RASSF6: variants seen among roughly 807,000 people sequenced by gnomAD.
RASSF6 encodes the protein ras association domain-containing protein 6.
A neutral mutation model predicts 44.0 loss-of-function variants in RASSF6; 52 were observed. The ratio of observed to expected loss-of-function variants is 1.18; its 90% confidence interval spans 0.95 to 1.49. RASSF6 has a LOEUF of 1.49. Among genes scored for constraint, RASSF6 ranks in the 40% most tolerant of loss-of-function variants. The pLI is 0.00. For synonymous variants in RASSF6, 162 were observed against 124.6 expected, an observed-to-expected ratio of 1.30 and a Z score of -2.00; for missense variants, 464 against 393.3, an observed-to-expected ratio of 1.18 and a Z score of -1.52.
chr4:73,572,996 T>C lies in RASSF6; in HGVS notation c.*3239A>G, dbSNP rs1488601139. 2.0e-5 allele frequency: 3 copies of C among 152,060 alleles called. No individual in the cohort carries two copies. The highest frequency in any genetic ancestry group is 2.9e-5 in the Non-Finnish European group (2 of 68,008). The allele number at this position is 152,060 out of a possible 1,614,324, so 9.4% of individuals were successfully genotyped here. The stretch of plus-strand genomic sequence containing the variant: ...ATATAATATATATGCCTTAAGTACA[T>C]AATAAATATTTTGGAACATGTGTAT... On this transcript the variant is annotated 3_prime_UTR_variant, in exon 11 of 11. Coordinates refer to ENST00000307439, the MANE Select transcript of RASSF6 (RefSeq NM_177532.5).
intron 6 of RASSF6, among the ~76,000 whole-genome samples, chr4:73,582,646 A>C (rs910673918): frequency 6.6e-6 from 1 of 152,136 alleles, no homozygotes; most frequent in African/African-American, 2.4e-5. Flanking sequence ...ATTTATTTCC[A>C]CATATTTTAT....
rs571237767 is a variant in RASSF6, at chr4:73,572,536, T to A, written c.*3699A>T. On this transcript the variant is annotated 3_prime_UTR_variant, in exon 11 of 11. Transcript: ENST00000307439. ...ATACATACAATTATTATTTGTCAAT[T>A]AAAAATAAAATAAAAAGACGTAAGT... 6.6e-6 allele frequency: 1 copy of A among 152,236 alleles called. No individual in the cohort carries two copies. Among genetic ancestry groups the A allele is most frequent in the East Asian group, 1.9e-4 (1 of 5,188 alleles). 9.4% of individuals were successfully genotyped at this position (152,236 alleles called of 1,614,324 possible). A position where few individuals can be genotyped will look rare whatever the true frequency, so the allele number is the denominator to read the frequency against.
At chr4:73,618,955 GC>G (rs1318314431) in intron 1 of RASSF6, among the ~76,000 whole-genome samples, 1 of 152,108 alleles carries the variant, frequency 6.6e-6, no homozygotes, top group Non-Finnish European at 1.5e-5. Context: ...ATAAAATAAA[GC>G]CACTTTCCTG....
At chr4:73,606,610 T>C (rs1725656441) in intron 2 of RASSF6, among the ~76,000 whole-genome samples, 1 of 148,614 alleles carries the variant, frequency 6.7e-6, no homozygotes, top group African/African-American at 2.5e-5. Flanking sequence ...TAGCCTTTCA[T>C]TTCCTGTTTT....
At chr4:73,587,004 C>T (rs371144060) in intron 5 of RASSF6, among the ~76,000 whole-genome samples, 7 of 151,990 alleles carry the variant, frequency 4.6e-5, no homozygotes, top group Non-Finnish European at 5.9e-5. Context: ...GAACTGACTT[C>T]GTAAATCACA....
intron 1 of RASSF6, among the ~76,000 whole-genome samples, chr4:73,613,006 A>G (rs1347538161): frequency 6.6e-6 from 1 of 152,166 alleles, no homozygotes; most frequent in African/African-American, 2.4e-5. Flanking sequence ...TCCTCACTGC[A>G]GGTCCAGATA....
intron 2 of RASSF6, among the ~76,000 whole-genome samples, chr4:73,605,698 T>C (rs965635592): frequency 6.6e-6 from 1 of 152,208 alleles, no homozygotes; most frequent in African/African-American, 2.4e-5. Context: ...CCCTGAATGA[T>C]CAGAAAGCTC....
intron 4 of RASSF6, among the ~76,000 whole-genome samples, chr4:73,591,906 G>A (rs528315939): frequency 4.4e-4 from 67 of 152,078 alleles, no homozygotes; most frequent in Non-Finnish European, 6.9e-4. Context: ...CCCTACCACC[G>A]AGAAGCTTGC....
At chr4:73,600,190 T>G (rs185971414) in intron 2 of RASSF6, among the ~76,000 whole-genome samples, 1 of 152,308 alleles carries the variant, frequency 6.6e-6, no homozygotes, top group East Asian at 1.9e-4. Context: ...TTTCCTTATG[T>G]TCTGTCTCCT....
chr4:73,579,023 A>G (rs949711466), intron 8 of RASSF6, among the ~76,000 whole-genome samples: 1 of 152,132 alleles, frequency 6.6e-6, no homozygotes, highest in South Asian at 2.1e-4. Context: ...AAGACCATAT[A>G]TACCACATAC....
rs147932445 is a variant in RASSF6 at position 73,576,700 on chromosome 4, C to A, written c.753G>T (p.Pro251=). The A allele has an allele frequency of 7.8e-5, 125 of 1,612,348 alleles. No individual in the cohort carries two copies. The highest frequency in any genetic ancestry group is 9.8e-5 in the Non-Finnish European group (115 of 1,178,920). The change falls in exon 9 of 11, where the codon CCG becomes CCT. Residue 251 remains proline, a synonymous_variant. Coordinates refer to ENST00000307439, the MANE Select transcript of RASSF6 (RefSeq NM_177532.5). The part of the protein sequence containing the change: ...EQRRLKKTDI[P]LLQRLLQGPS... ...GTCCCTGTAGGAGCCTCTGCAGTAGCGGAATGTCTGTCTTCTTTAGTCGTC... is the reference window on the plus strand; with the variant it reads ...GTCCCTGTAGGAGCCTCTGCAGTAGAGGAATGTCTGTCTTCTTTAGTCGTC...
At chr4:73,598,844 C>A in intron 2 of RASSF6, 126 bp from the exon 3 acceptor site, 1 of 487,422 alleles carries the variant, frequency 2.1e-6, no homozygotes, top group South Asian at 3.1e-5. Flanking sequence ...TGTTCTGTCA[C>A]TTTAACTTAA....
At chr4:73,606,645 T>G (rs200087974) in intron 2 of RASSF6, among the ~76,000 whole-genome samples, 7 of 39,542 alleles carry the variant, frequency 1.8e-4, no homozygotes, top group African/African-American at 5.1e-4. Context: ...TATAGTTTTT[T>G]TTTTTTTTTT....
intron 1 of RASSF6, among the ~76,000 whole-genome samples, chr4:73,618,442 CAT>C (rs1340025038): frequency 2.0e-5 from 3 of 151,992 alleles, no homozygotes; most frequent in Non-Finnish European, 2.9e-5. Context: ...TTTATTTAGA[CAT>C]ATGTCTATCA....
Position 73,572,217 on chromosome 4 carries a change from T to C in RASSF6, c.*4018A>G, listed in dbSNP as rs552947276. On this transcript the variant is annotated 3_prime_UTR_variant, in exon 11 of 11. Transcript: ENST00000307439. Reference sequence around the variant, plus strand: ...GGCATTTGATAGAAGGTCTCAGTTCTTCATCATGTAGGTCTTTCCAGGGCT... The same window carrying C: ...GGCATTTGATAGAAGGTCTCAGTTCCTCATCATGTAGGTCTTTCCAGGGCT... The C allele has an allele frequency of 6.6e-6, 1 of 152,302 alleles. No homozygotes were observed. The highest frequency in any genetic ancestry group is 2.4e-5 in the African/African-American group (1 of 41,552). 9.4% of individuals were successfully genotyped at this position (152,302 alleles called of 1,614,324 possible).
At chr4:73,592,737 C>T (rs925737994) in intron 4 of RASSF6, among the ~76,000 whole-genome samples, 1 of 152,112 alleles carries the variant, frequency 6.6e-6, no homozygotes, top group Non-Finnish European at 1.5e-5. Context: ...CACAATGAGC[C>T]CTTTGTTCCA....
At position 73,574,579 on chromosome 4, in the gene RASSF6, T is replaced by TTTA. The variant is rs969175240; in HGVS notation, c.*1653_*1655dup. The TTTA allele has an allele frequency of 6.6e-6, 1 of 152,250 alleles. No individual in the cohort carries two copies. The highest frequency in any genetic ancestry group is 1.5e-5 in the Non-Finnish European group (1 of 68,042). The allele number at this position is 152,250 out of a possible 1,614,324, so 9.4% of individuals were successfully genotyped here. A position where few individuals can be genotyped will look rare whatever the true frequency, so the allele number is the denominator to read the frequency against. ...CCTTAGGGTACCTTCTCTTTTCATC[T>TTTA]TTATTATTATTCTCCTATCATAGCT... On this transcript the variant is annotated 3_prime_UTR_variant, in exon 11 of 11. Coordinates refer to ENST00000307439, the MANE Select transcript of RASSF6 (RefSeq NM_177532.5).
At chr4:73,583,559 A>T (rs1723838960) in intron 6 of RASSF6, among the ~76,000 whole-genome samples, 1 of 152,154 alleles carries the variant, frequency 6.6e-6, no homozygotes, top group Admixed American at 6.6e-5. Context: ...GACACACAGC[A>T]ACTTAAGAAA....
At chr4:73,591,565 T>C (rs533581359) in intron 4 of RASSF6, among the ~76,000 whole-genome samples, 1 of 152,294 alleles carries the variant, frequency 6.6e-6, no homozygotes, top group South Asian at 2.1e-4. Context: ...TCCTTTTAAA[T>C]GATGCTCCTT....
Sources: gnomAD v4.1 joint callset for allele counts (sites outside exome capture counted in the v4.1 genomes callset) on GRCh38, gnomAD v4.1.1 for gene constraint, MANE v1.5 for transcripts, NCBI Gene and HGNC (gene_info 2026-07-23, HGNC 2026-07-21) for gene names.